The following ZFHX4 variants were observed in gnomAD, a reference collection of about 807,000 sequenced individuals.
The protein encoded by ZFHX4 is zinc finger homeobox protein 4.
A neutral mutation model predicts 267.6 loss-of-function variants in ZFHX4; 56 were observed. That is an observed-to-expected ratio of 0.21 (90% CI 0.17 to 0.26). The LOEUF (loss-of-function observed/expected upper bound fraction) is 0.26, where lower values mean the gene tolerates loss of function less well. Among genes scored for constraint, ZFHX4 ranks in the 10% least tolerant of loss-of-function variants. The pLI, the probability that ZFHX4 is intolerant of heterozygous loss-of-function variation, is 1.00. For missense variants in ZFHX4, 4,332 were observed against 4,420.0 expected, an observed-to-expected ratio of 0.98 and a Z score of 0.56; for synonymous variants, 1,778 against 1,665.6, an observed-to-expected ratio of 1.07 and a Z score of -1.64.
rs192739513 is a variant in ZFHX4, at chr8:76,705,318, G to A, written c.1230G>A (p.Gly410=). The A allele has an allele frequency of 1.9e-6, 3 of 1,613,970 alleles. No homozygotes were observed. The highest frequency in any genetic ancestry group is 1.1e-5 in the South Asian group (1 of 91,072). Residue 410 remains glycine (G), a synonymous_variant, in exon 2 of 11, where the codon GGG becomes GGA. Transcript: ENST00000651372. ...CAAAGGCTGAAGTGAATCTGGGGGG[G>A]CTGTCTAGTTTAGTAGTGAACACCC... The part of the protein sequence containing the change: ...QMPKAEVNLG[G]LSSLVVNTPI...
intron 4 of ZFHX4, among the ~76,000 whole-genome samples, chr8:76,778,988 A>G (rs981380013): frequency 3.0e-4 from 45 of 152,214 alleles, no homozygotes; most frequent in Non-Finnish European, 4.4e-5. Context: ...GACCTGGTGC[A>G]GGGAAACAGC....
intron 3 of ZFHX4, among the ~76,000 whole-genome samples, chr8:76,770,232 C>T (rs1206994030): frequency 2.0e-5 from 3 of 152,162 alleles, no homozygotes; most frequent in Non-Finnish European, 4.4e-5. Context: ...ATGTCTAAAG[C>T]ATATAGCACA....
chr8:76,704,061 G>A lies in ZFHX4; in HGVS notation c.-28G>A, dbSNP rs763533557. 4 of 1,566,422 alleles carry A rather than the reference G, an allele frequency of 2.6e-6. No homozygotes were observed. In the South Asian group the frequency reaches 4.9e-5, roughly 19 times the overall value. On this transcript the variant is annotated 5_prime_UTR_variant, in exon 2 of 11. The change abolishes an upstream ATG in the 5' untranslated region. Transcript: ENST00000651372. The stretch of plus-strand genomic sequence containing the variant: ...TATCCAGGTCCCTGACAGGCTGGAT[G>A]AAATGAGATCCCCATGTAGCAATTG...
chr8:76,762,742 C>T (rs1439324163), intron 3 of ZFHX4, among the ~76,000 whole-genome samples: 1 of 152,058 alleles, frequency 6.6e-6, no homozygotes, highest in Non-Finnish European at 1.5e-5. Context: ...CTTATAGATG[C>T]CAATCTGTAG....
intron 4 of ZFHX4, among the ~76,000 whole-genome samples, chr8:76,787,039 T>C (rs936322999): frequency 1.3e-5 from 2 of 152,214 alleles, no homozygotes; most frequent in African/African-American, 4.8e-5. Flanking sequence ...GTAAATAGCA[T>C]AATCACTGTG....
Position 76,740,369 on chromosome 8 carries a change from A to T in ZFHX4, c.3093+32321A>T, listed in dbSNP as rs908782610. Among the ~76,000 whole-genome samples, 3 of 152,060 alleles carry T rather than the reference A, an allele frequency of 2.0e-5. No individual in the cohort carries two copies. The South Asian group carries it at 6.2e-4, about 32-fold the overall frequency. ...AAGCAAGTCAGGAAGGAGGGAGGGA[A>T]AGAAGAGTATAAAATGGGTTCCGCA... is the stretch of plus-strand genomic sequence containing the variant. On this transcript the variant is annotated intron_variant, in intron 3 of 10. Coordinates refer to ENST00000651372, the MANE Select transcript of ZFHX4 (RefSeq NM_024721.5).
At chr8:76,798,490 G>A (rs965374492) in intron 4 of ZFHX4, among the ~76,000 whole-genome samples, 1 of 152,162 alleles carries the variant, frequency 6.6e-6, no homozygotes, top group African/African-American at 2.4e-5. Context: ...ATGATAAATT[G>A]TACTGAATAG....
intron 5 of ZFHX4, 27 bp from the exon 6 acceptor site, chr8:76,842,628 T>C: frequency 2.0e-6 from 3 of 1,530,830 alleles, no homozygotes; most frequent in Non-Finnish European, 2.7e-6. Context: ...TTTTCAGTTC[T>C]ACTGATTGGT....
At position 76,852,806 on chromosome 8, in the gene ZFHX4, A is replaced by G; in HGVS notation, c.5885A>G (p.Lys1962Arg). 6.2e-7 allele frequency: 1 copy of G among 1,613,662 alleles called. No homozygotes were observed. The highest frequency in any genetic ancestry group is 8.5e-7 in the Non-Finnish European group (1 of 1,179,784). The change falls in exon 10 of 11, where the codon AAG becomes AGG. Residue 1962 changes from lysine to arginine, a missense_variant. Lys to Arg is a conservative substitution (Grantham distance 26). Around this residue, in one of 7 missense-constraint regions of ZFHX4, gnomAD observed 1,371 missense variants for 1,423.1 expected, o/e 0.96. Coordinates refer to ENST00000651372, the MANE Select transcript of ZFHX4 (RefSeq NM_024721.5). Reference sequence around the variant, plus strand: ...TTGTTTTCCAATGTTCTTATTTTAAAGAGTCACCAAGAACATGTACATGGG... The same window carrying G: ...TTGTTTTCCAATGTTCTTATTTTAAGGAGTCACCAAGAACATGTACATGGG... ...GKLFSNVLIL[K>R]SHQEHVHGQF...
chr8:76,827,677 G>A (rs925821622), intron 4 of ZFHX4, among the ~76,000 whole-genome samples: 8 of 152,092 alleles, frequency 5.3e-5, no homozygotes, highest in East Asian at 1.9e-4. Context: ...TATCAGGAAC[G>A]TATTAAATTC....
intron 4 of ZFHX4, among the ~76,000 whole-genome samples, chr8:76,806,871 A>C (rs147940719): frequency 3.3e-5 from 5 of 152,172 alleles, no homozygotes; most frequent in African/African-American, 9.6e-5. Context: ...GTGTTAAATT[A>C]AAGTGAATCC....
rs28376707 is a variant in ZFHX4, at chr8:76,851,837, C to T, written c.4916C>T (p.Ala1639Val). 6,755 of 1,613,900 alleles carry T rather than the reference C, an allele frequency of 4.2e-3. 244 individuals carry two copies. In the African/African-American group the frequency reaches 0.081, roughly 19 times the overall value. ...CATGTGGCTGGTGGGCACAGCATTG[C>T]AGCAAATGTCAACAGCCCTGGCCAG... is the stretch of plus-strand genomic sequence containing the variant. ...SGHVAGGHSI[A>V]ANVNSPGQGM... Residue 1639 changes from alanine to valine, a missense_variant, in exon 10 of 11, where the codon GCA becomes GTA. Physicochemically the swap from Ala to Val is moderately conservative, Grantham distance 64 (BLOSUM62 0). Transcript: ENST00000651372.
At chr8:76,780,059 A>AC in intron 4 of ZFHX4, among the ~76,000 whole-genome samples, 1 of 150,468 alleles carries the variant, frequency 6.6e-6, no homozygotes, top group East Asian at 1.9e-4. Context: ...AGTAAAATTA[A>AC]AAAAAAAAAC....
At chr8:76,754,107 G>T (rs1043696729) in intron 3 of ZFHX4, among the ~76,000 whole-genome samples, 1 of 152,140 alleles carries the variant, frequency 6.6e-6, no homozygotes. Context: ...CTTGGCATTT[G>T]AGAAATGTGA....
chr8:76,739,875 T>C (rs1314564997), intron 3 of ZFHX4, among the ~76,000 whole-genome samples: 2 of 152,178 alleles, frequency 1.3e-5, no homozygotes, highest in Non-Finnish European at 2.9e-5. Flanking sequence ...TTATTAAACA[T>C]GATTGTCTTC....
intron 4 of ZFHX4, among the ~76,000 whole-genome samples, chr8:76,815,668 A>G (rs1811486506): frequency 6.6e-6 from 1 of 151,932 alleles, no homozygotes; most frequent in Non-Finnish European, 1.5e-5. Context: ...TGACTGGCTA[A>G]TTTTTTATTT....
At chr8:76,786,838 T>C (rs1810704156) in intron 4 of ZFHX4, among the ~76,000 whole-genome samples, 1 of 152,088 alleles carries the variant, frequency 6.6e-6, no homozygotes. Context: ...CACAGCACTT[T>C]TGAGGTTCGG....
chr8:76,777,204 C>T (rs1810421182), intron 3 of ZFHX4, among the ~76,000 whole-genome samples: 1 of 152,126 alleles, frequency 6.6e-6, no homozygotes, highest in Non-Finnish European at 1.5e-5. Context: ...TGGAATTGAA[C>T]TACCCCAATT....
chr8:76,733,127 T>C (rs1347545981), intron 3 of ZFHX4, among the ~76,000 whole-genome samples: 1 of 152,154 alleles, frequency 6.6e-6, no homozygotes, highest in Non-Finnish European at 1.5e-5. Context: ...CAATGATTGT[T>C]CAGGGGTGGC....
Sources: gnomAD v4.1 joint callset for allele counts (sites outside exome capture counted in the v4.1 genomes callset) on GRCh38, gnomAD v4.1.1 for gene constraint, gnomAD v4.1.1 regional missense constraint, MANE v1.5 for transcripts, NCBI Gene and HGNC (gene_info 2026-07-23, HGNC 2026-07-21) for gene names.